Variants in ZCCHC7 observed in about 807,000 individuals in gnomAD.
ZCCHC7 encodes the protein zinc finger CCHC-type containing 7.
Under a neutral mutation model 52.0 loss-of-function variants are expected in ZCCHC7, and 35 were observed. The ratio of observed to expected loss-of-function variants is 0.67; its 90% confidence interval spans 0.51 to 0.89. The LOEUF is 0.89. ZCCHC7 is among the 40% of genes least tolerant of loss of function. The probability of loss-of-function intolerance (pLI) is 0.00; values close to 1 mark genes in which losing one functional copy is unlikely to be tolerated. For missense variants in ZCCHC7, 574 were observed against 649.1 expected (o/e 0.88, Z 1.26); for synonymous variants, 217 against 221.5 (o/e 0.98, Z 0.18).
chr9:37,125,602 A>C (rs932820004), intron 1 of ZCCHC7, among the ~76,000 whole-genome samples: 4 of 152,244 alleles, frequency 2.6e-5, no homozygotes, highest in Non-Finnish European at 5.9e-5. Flanking sequence ...ATTCCTGTAT[A>C]TGCTTGAAAA....
intron 2 of ZCCHC7, among the ~76,000 whole-genome samples, chr9:37,155,884 G>C (rs1391805101): frequency 6.6e-6 from 1 of 152,138 alleles, no homozygotes; most frequent in Non-Finnish European, 1.5e-5. Context: ...AATATTTATT[G>C]AGTGTTTTTC....
chr9:37,139,807 T>C (rs1843146394), intron 2 of ZCCHC7, among the ~76,000 whole-genome samples: 1 of 151,956 alleles, frequency 6.6e-6, no homozygotes, highest in African/African-American at 2.4e-5. Context: ...GGGAAAATAT[T>C]TTTATTGGCA....
intron 2 of ZCCHC7, among the ~76,000 whole-genome samples, chr9:37,279,380 A>AC (rs1400635583): frequency 6.6e-5 from 10 of 152,114 alleles, no homozygotes; most frequent in Non-Finnish European, 1.2e-4. Flanking sequence ...GAAAATGTAA[A>AC]GGTATATTTC....
chr9:37,122,625 T>C (rs991372347), intron 1 of ZCCHC7, among the ~76,000 whole-genome samples: 1 of 152,240 alleles, frequency 6.6e-6, no homozygotes, highest in East Asian at 1.9e-4. Context: ...AAAATCTTAA[T>C]TTGAAGTTAA....
At chr9:37,203,399 C>T (rs753063377) in intron 2 of ZCCHC7, among the ~76,000 whole-genome samples, 2 of 152,060 alleles carry the variant, frequency 1.3e-5, no homozygotes, top group East Asian at 1.9e-4. Context: ...TTTCCTGCAC[C>T]TATCAACCTG....
chr9:37,263,157 T>G (rs1469605975), intron 2 of ZCCHC7, among the ~76,000 whole-genome samples: 1 of 152,184 alleles, frequency 6.6e-6, no homozygotes, highest in African/African-American at 2.4e-5. Context: ...TTCCTATTTC[T>G]TATAAGCCCA....
At chr9:37,151,089 C>T (rs1820495343) in intron 2 of ZCCHC7, among the ~76,000 whole-genome samples, 2 of 151,798 alleles carry the variant, frequency 1.3e-5, no homozygotes, top group South Asian at 2.1e-4. Context: ...CTAAGCCTCC[C>T]GAGTAGCTGG....
intron 2 of ZCCHC7, among the ~76,000 whole-genome samples, chr9:37,176,773 G>T (rs980589712): frequency 1.3e-5 from 2 of 151,998 alleles, no homozygotes; most frequent in Non-Finnish European, 2.9e-5. Flanking sequence ...AAATCATATA[G>T]GATTCATTTT....
At chr9:37,120,665 G>T in intron 1 of ZCCHC7, 42 bp downstream of exon 1, 1 of 387,680 alleles carries the variant, frequency 2.6e-6, no homozygotes, top group South Asian at 1.3e-4. Context: ...CGCGGCTCGG[G>T]ACCCCTGCCT....
At chr9:37,190,982 A>G (rs566083578) in intron 2 of ZCCHC7, among the ~76,000 whole-genome samples, 4 of 151,500 alleles carry the variant, frequency 2.6e-5, no homozygotes, top group East Asian at 1.9e-4. Context: ...AGATCGCGCC[A>G]TTGCACTCCA....
intron 6 of ZCCHC7, among the ~76,000 whole-genome samples, chr9:37,343,377 A>G (rs1045841789): frequency 1.3e-5 from 2 of 152,208 alleles, no homozygotes; most frequent in Non-Finnish European, 2.9e-5. Context: ...TTTGATGCAC[A>G]CTTAATTCCA....
chr9:37,131,798 AG>A (rs1374267562), intron 2 of ZCCHC7, among the ~76,000 whole-genome samples: 1 of 152,076 alleles, frequency 6.6e-6, no homozygotes, highest in African/African-American at 2.4e-5. Flanking sequence ...GTTGTTGATT[AG>A]CTTCCTGAGG....
intron 2 of ZCCHC7, among the ~76,000 whole-genome samples, chr9:37,286,670 G>T (rs1219244123): frequency 1.3e-5 from 2 of 150,682 alleles, no homozygotes; most frequent in Non-Finnish European, 3.0e-5. Flanking sequence ...AAGAAGGAAA[G>T]AAAAGAAAAA....
chr9:37,329,933 C>T (rs1019706917), intron 6 of ZCCHC7, among the ~76,000 whole-genome samples: 7 of 151,906 alleles, frequency 4.6e-5, no homozygotes, highest in African/African-American at 1.7e-4. Flanking sequence ...TGATTAATTA[C>T]TTTTTCTAAC....
chr9:37,268,553 A>G (rs1827227740), intron 2 of ZCCHC7, among the ~76,000 whole-genome samples: 1 of 151,962 alleles, frequency 6.6e-6, no homozygotes, highest in South Asian at 2.1e-4. Context: ...CAGCCTCCCA[A>G]GTAGCTGGGA....
chr9:37,203,452 GA>G (rs1364919098), intron 2 of ZCCHC7, among the ~76,000 whole-genome samples: 6 of 152,200 alleles, frequency 3.9e-5, no homozygotes, highest in African/African-American at 1.4e-4. Flanking sequence ...TGTTTGTCCT[GA>G]TGCTCTCTCT....
chr9:37,279,829 T>C (rs1422943608), intron 2 of ZCCHC7, among the ~76,000 whole-genome samples: 1 of 151,640 alleles, frequency 6.6e-6, no homozygotes, highest in Non-Finnish European at 1.5e-5. Flanking sequence ...AAGTAAACTT[T>C]GAGACTAGGA....
At chr9:37,242,120 G>A (rs1825898726) in intron 2 of ZCCHC7, among the ~76,000 whole-genome samples, 1 of 151,638 alleles carries the variant, frequency 6.6e-6, no homozygotes, top group South Asian at 2.1e-4. Context: ...GCATCCAATA[G>A]CATTCCAAAT....
intron 2 of ZCCHC7, among the ~76,000 whole-genome samples, chr9:37,223,867 A>G (rs1373581221): frequency 1.3e-5 from 2 of 152,104 alleles, no homozygotes; most frequent in Non-Finnish European, 2.9e-5. Flanking sequence ...ATGATTTAAC[A>G]AGTGAAAATA....
Sources: allele counts gnomAD v4.1 joint callset (sites outside exome capture counted in the v4.1 genomes callset), GRCh38; gene constraint gnomAD v4.1.1; transcripts MANE v1.5; gene names NCBI Gene and HGNC (gene_info 2026-07-23, HGNC 2026-07-21).